ATP13A3: variants seen among roughly 807,000 people sequenced by gnomAD.
ATP13A3 encodes the protein ATPase 13A3.
Under a neutral mutation model 158.1 loss-of-function variants are expected in ATP13A3, and 59 were observed. The ratio of observed to expected loss-of-function variants is 0.37; its 90% CI spans 0.30 to 0.46. ATP13A3 has a LOEUF of 0.46. ATP13A3 is among the 20% of genes least tolerant of loss of function. The pLI, the probability that ATP13A3 is intolerant of heterozygous loss-of-function variation, is 1.00. For missense variants in ATP13A3, 1,166 were observed against 1,525.2 expected (o/e 0.76, Z 3.92); for synonymous variants, 491 against 504.3 (o/e 0.97, Z 0.35).
At chr3:194,491,380 A>G (rs190312902), upstream of ATP13A3, among the ~76,000 whole-genome samples, 11 of 151,102 alleles carry the variant, frequency 7.3e-5, no homozygotes, top group African/African-American at 2.7e-4. Context: ...CATTCTTTAC[A>G]CCTCCCTCTC....
chr3:194,443,884 A>G (rs1718214803), intron 15 of ATP13A3, among the ~76,000 whole-genome samples: 1 of 152,182 alleles, frequency 6.6e-6, no homozygotes, highest in Non-Finnish European at 1.5e-5. Context: ...TCTAACAAAT[A>G]AGATAGACTT....
chr3:194,447,411 T>C (rs1183674077), intron 13 of ATP13A3, among the ~76,000 whole-genome samples: 1 of 152,192 alleles, frequency 6.6e-6, no homozygotes. Flanking sequence ...ACAATCATTA[T>C]CAGATATTGA....
At chr3:194,474,955 T>C (rs1440012047) in intron 2 of ATP13A3, among the ~76,000 whole-genome samples, 1 of 152,200 alleles carries the variant, frequency 6.6e-6, no homozygotes, top group Non-Finnish European at 1.5e-5. Flanking sequence ...CTAATTAAAG[T>C]ATTCAAAAAG....
chr3:194,456,521 T>G (rs1417980236), intron 7 of ATP13A3, among the ~76,000 whole-genome samples: 1 of 152,114 alleles, frequency 6.6e-6, no homozygotes, highest in African/African-American at 2.4e-5. Flanking sequence ...TTCTACCCCT[T>G]TGAAAGAACA....
At chr3:194,444,084 G>A (rs1030173700) in intron 15 of ATP13A3, among the ~76,000 whole-genome samples, 3 of 152,176 alleles carry the variant, frequency 2.0e-5, no homozygotes, top group African/African-American at 7.2e-5. Context: ...CAAGAATGTG[G>A]AGTAAAAAGA....
rs1483632038 is a variant in ATP13A3, at chr3:194,437,556, T to C, written c.1845A>G (p.Pro615=). Residue 615 remains proline (P), a splice_region_variant and synonymous_variant, in exon 18 of 34, where the codon CCA becomes CCG. Coordinates refer to ENST00000645319, the MANE Select transcript of ATP13A3 (RefSeq NM_001367549.1). ...GNQEMELFEL[P]ATYEIGIVRQ... Reference sequence around the variant, plus strand: ...TAAGAAGTAAACATTCTTCACTTACTGGAAGTTCAAACAGCTCCTAAAAAC... The same window carrying C: ...TAAGAAGTAAACATTCTTCACTTACCGGAAGTTCAAACAGCTCCTAAAAAC... 6.2e-7 allele frequency: 1 copy of C among 1,609,532 alleles called. No individual in the cohort carries two copies. Among genetic ancestry groups the C allele is most frequent in the East Asian group, 2.2e-5 (1 of 44,660 alleles).
intron 2 of ATP13A3, among the ~76,000 whole-genome samples, chr3:194,485,005 C>A (rs1381176948): frequency 6.6e-6 from 1 of 150,726 alleles, no homozygotes; most frequent in Non-Finnish European, 1.5e-5. Flanking sequence ...TACAGTGAGC[C>A]GAGTTCACAC....
Position 194,455,956 on chromosome 3 carries a change from C to T in ATP13A3, c.567G>A (p.Leu189=). 1 of 1,535,056 alleles carries T rather than the reference C, an allele frequency of 6.5e-7. No homozygotes were observed. Among genetic ancestry groups the T allele is most frequent in the East Asian group, 2.3e-5 (1 of 42,760 alleles). Residue 189 remains leucine, a synonymous_variant, in exon 8 of 34, where the codon CTG becomes CTA. Transcript: ENST00000645319. ...LTKGMHAYRK[L]LYGVNEIAVK... is the part of the protein sequence containing the mutation. ...CAGCAATTTCATTTACTCCATAAAGCAGTTTTCTATAACAGGAAAATACAT... is the reference window on the plus strand; with the variant it reads ...CAGCAATTTCATTTACTCCATAAAGTAGTTTTCTATAACAGGAAAATACAT...
At chr3:194,406,359 G>A (rs1450350001) in intron 33 of ATP13A3, among the ~76,000 whole-genome samples, 4 of 152,158 alleles carry the variant, frequency 2.6e-5, no homozygotes, top group Non-Finnish European at 2.9e-5. Flanking sequence ...GAGCCCAGGA[G>A]TTCGAGACCA....
At chr3:194,471,324 T>TAAAAAAAAAAAA (rs59967046) in intron 2 of ATP13A3, among the ~76,000 whole-genome samples, 3 of 88,106 alleles carry the variant, frequency 3.4e-5, no homozygotes, top group African/African-American at 1.1e-4. Flanking sequence ...CAGCAAATTC[T>TAAAAAAAAAAAA]AAAAAAAAAA....
chr3:194,447,002 T>A lies in ATP13A3; in HGVS notation c.1422A>T (p.Lys474Asn). The A allele has an allele frequency of 1.2e-6, 2 of 1,613,890 alleles. No homozygotes were observed. The change falls in exon 14 of 34, where the codon AAA becomes AAT. Residue 474 changes from lysine (K) to asparagine (N), a missense_variant. By Grantham distance (94) the Lys-to-Asn change is moderately conservative. This residue lies in a region of ATP13A3 where 997 missense variants were observed against 1,341.2 expected (regional missense o/e 0.74). Coordinates refer to ENST00000645319, the MANE Select transcript of ATP13A3 (RefSeq NM_001367549.1). The stretch of plus-strand genomic sequence containing the variant: ...GACTGATACAGAAAATACCGATTTT[T>A]TTCAGTCTTCTCTGAGCATACACAA... The part of the protein sequence containing the change: ...AGIVYAQRRL[K>N]KIGIFCISPQ...
At chr3:194,412,363 A>G (rs1343960733) in intron 32 of ATP13A3, 75 bp from the exon 33 acceptor site, 1 of 1,116,022 alleles carries the variant, frequency 9.0e-7, no homozygotes, top group Non-Finnish European at 1.3e-6. Flanking sequence ...TTTTTAAAAA[A>G]TCACACATGC....
intron 6 of ATP13A3, among the ~76,000 whole-genome samples, chr3:194,458,346 A>C (rs1719391313): frequency 6.6e-6 from 1 of 152,108 alleles, no homozygotes; most frequent in Non-Finnish European, 1.5e-5. Flanking sequence ...AAGTCAAAAA[A>C]AAAAAAAAAT....
At chr3:194,426,220 A>C (rs768011472) in intron 29 of ATP13A3, among the ~76,000 whole-genome samples, 9 of 152,202 alleles carry the variant, frequency 5.9e-5, no homozygotes, top group Non-Finnish European at 1.3e-4. Context: ...GTTTCTACGC[A>C]CATATAAAAA....
chr3:194,414,994 T>C (rs1042393586), intron 31 of ATP13A3, among the ~76,000 whole-genome samples: 3 of 152,184 alleles, frequency 2.0e-5, no homozygotes, highest in Non-Finnish European at 2.9e-5. Flanking sequence ...ATCACCAGAA[T>C]GTATTGAGTG....
chr3:194,412,159 G>C (rs1577023792), intron 33 of ATP13A3, 40 bp downstream of exon 33: 2 of 1,447,142 alleles, frequency 1.4e-6, no homozygotes, highest in East Asian at 2.5e-5. Context: ...AGAGAGCCTA[G>C]AGAGGCAGCA....
In ATP13A3 at chr3:194,406,027, C is replaced by T. The variant is rs201932728; in HGVS notation, c.3663G>A (p.Ala1221=). The T allele has an allele frequency of 2.4e-5, 39 of 1,614,136 alleles. No individual in the cohort carries two copies. The highest frequency in any genetic ancestry group is 4.0e-5 in the African/African-American group (3 of 75,014). The change falls in exon 34 of 34, where the codon GCG becomes GCA. Residue 1221 remains alanine, a synonymous_variant. Transcript: ENST00000645319. The stretch of plus-strand genomic sequence containing the variant: ...ATTCTGGATCAACCAAGAGCTCCTG[C>T]GCCAGATACATGTACTTTGCCTTTG... ...KTPKAKYMYL[A]QELLVDPEWP...
chr3:194,410,024 C>T (rs947265213), intron 33 of ATP13A3, among the ~76,000 whole-genome samples: 6 of 151,814 alleles, frequency 4.0e-5, no homozygotes, highest in East Asian at 3.9e-4. Context: ...ACCACAGAAA[C>T]GGAAGACTTA....
At chr3:194,456,594 G>A (rs752829075) in intron 7 of ATP13A3, among the ~76,000 whole-genome samples, 5 of 151,932 alleles carry the variant, frequency 3.3e-5, no homozygotes, top group Non-Finnish European at 5.9e-5. Flanking sequence ...TTTAACATAC[G>A]CAATACACTG....
Sources: allele counts gnomAD v4.1 joint callset (sites outside exome capture counted in the v4.1 genomes callset), GRCh38; gene constraint gnomAD v4.1.1; regional missense constraint gnomAD v4.1.1; transcripts MANE v1.5; gene names NCBI Gene and HGNC (gene_info 2026-07-23, HGNC 2026-07-21).